TSPAN9: variants seen among roughly 807,000 people sequenced by gnomAD.
TSPAN9 encodes tetraspanin-9.
Under a neutral mutation model 31.0 loss-of-function variants are expected in TSPAN9, and 16 were observed. That is an observed-to-expected ratio of 0.52 (90% CI 0.35 to 0.78). TSPAN9 has a LOEUF of 0.78. Among genes scored for constraint, TSPAN9 ranks in the 30% least tolerant of loss-of-function variants. TSPAN9 has a pLI of 0.01. For missense variants in TSPAN9, 272 were observed against 312.5 expected (o/e 0.87, Z 0.98); for synonymous variants, 145 against 121.6 (o/e 1.19, Z -1.27).
chr12:3,184,389 C>T (rs2098359994), intron 2 of TSPAN9, among the ~76,000 whole-genome samples: 1 of 148,182 alleles, frequency 6.7e-6, no homozygotes, highest in South Asian at 2.1e-4. Flanking sequence ...CAGAGTGAGA[C>T]CCTATTAAAA....
chr12:3,271,381 T>G (rs905283719), intron 3 of TSPAN9, among the ~76,000 whole-genome samples: 6 of 152,176 alleles, frequency 3.9e-5, no homozygotes, highest in African/African-American at 1.2e-4. Flanking sequence ...GGGGAAGAGC[T>G]GGGTCCTACC....
intron 2 of TSPAN9, among the ~76,000 whole-genome samples, chr12:3,091,093 C>G (rs1008188194): frequency 6.6e-6 from 1 of 152,254 alleles, no homozygotes; most frequent in African/African-American, 2.4e-5. Flanking sequence ...TTGGTACTCC[C>G]TGCTGATTTT....
At chr12:3,270,314 C>T (rs1324813882) in intron 3 of TSPAN9, among the ~76,000 whole-genome samples, 1 of 152,156 alleles carries the variant, frequency 6.6e-6, no homozygotes, top group African/African-American at 2.4e-5. Flanking sequence ...GCCTTTCTCC[C>T]AGAAAGAGGC....
chr12:3,122,314 C>CT (rs1220579240), intron 2 of TSPAN9, among the ~76,000 whole-genome samples: 12 of 143,478 alleles, frequency 8.4e-5, no homozygotes, highest in Admixed American at 4.8e-4. Context: ...GAGTGAGACT[C>CT]TATCTCAAAA....
chr12:3,132,835 C>G (rs916706339), intron 2 of TSPAN9, among the ~76,000 whole-genome samples: 2 of 152,078 alleles, frequency 1.3e-5, no homozygotes, highest in Non-Finnish European at 2.9e-5. Flanking sequence ...TCAGCCTCAT[C>G]GTCCCCACCG....
intron 3 of TSPAN9, among the ~76,000 whole-genome samples, chr12:3,244,519 G>T (rs1011689150): frequency 6.6e-6 from 1 of 152,212 alleles, no homozygotes; most frequent in African/African-American, 2.4e-5. Flanking sequence ...AGCTGGTGAC[G>T]TGGGCTGGGG....
chr12:3,259,173 T>C (rs1156359726), intron 3 of TSPAN9, among the ~76,000 whole-genome samples: 14 of 152,246 alleles, frequency 9.2e-5, no homozygotes, highest in Admixed American at 9.2e-4. Flanking sequence ...TTCCTGAGTT[T>C]GCAGAGCCAG....
intron 3 of TSPAN9, among the ~76,000 whole-genome samples, chr12:3,233,119 A>G (rs2159422): frequency 0.96 from 145,565 of 152,254 alleles, 69,835 homozygotes; most frequent in South Asian, 0.99. Context: ...GCTAGGTCAA[A>G]CCGATTTTTT....
At chr12:3,085,033 G>T (rs1187841560) in intron 2 of TSPAN9, among the ~76,000 whole-genome samples, 1 of 152,206 alleles carries the variant, frequency 6.6e-6, no homozygotes, top group Non-Finnish European at 1.5e-5. Flanking sequence ...TCACTGGATG[G>T]TGCAGTGCCG....
chr12:3,219,310 G>A (rs2098383052), intron 3 of TSPAN9, among the ~76,000 whole-genome samples: 1 of 152,184 alleles, frequency 6.6e-6, no homozygotes, highest in African/African-American at 2.4e-5. Flanking sequence ...GGATGCACAG[G>A]GACTGTCCTA....
chr12:3,226,875 G>A lies in TSPAN9; in HGVS notation c.63+25619G>A, dbSNP rs2098388118. Among the ~76,000 whole-genome samples, 2 of 145,244 alleles carry A rather than the reference G, an allele frequency of 1.4e-5. 1 individual carries two copies. The highest frequency in any genetic ancestry group is 5.1e-5 in the African/African-American group (2 of 38,896). Reference sequence around the variant, plus strand: ...AGCCTGTCAAGCAGCTGGGACAACAGGCATACACCACTGTGCCTGGCTTCT... The same window carrying A: ...AGCCTGTCAAGCAGCTGGGACAACAAGCATACACCACTGTGCCTGGCTTCT... On this transcript the variant is annotated intron_variant, in intron 3 of 8. Coordinates refer to ENST00000011898, the MANE Select transcript of TSPAN9 (RefSeq NM_006675.5).
intron 2 of TSPAN9, among the ~76,000 whole-genome samples, chr12:3,155,831 G>A (rs1236547594): frequency 1.3e-5 from 2 of 152,178 alleles, no homozygotes; most frequent in African/African-American, 2.4e-5. Context: ...CACTGGAGGC[G>A]GAGTTGCCAG....
intron 2 of TSPAN9, among the ~76,000 whole-genome samples, chr12:3,199,647 C>A (rs1171007118): frequency 6.6e-6 from 1 of 152,216 alleles, no homozygotes; most frequent in African/African-American, 2.4e-5. Context: ...GGGTTCCAGC[C>A]GCCGCAGCGT....
chr12:3,145,079 T>C (rs1565591745), intron 2 of TSPAN9, among the ~76,000 whole-genome samples: 2 of 152,138 alleles, frequency 1.3e-5, no homozygotes, highest in Non-Finnish European at 1.5e-5. Flanking sequence ...ATCAAGGTCA[T>C]TCCTAGGGCT....
intron 2 of TSPAN9, among the ~76,000 whole-genome samples, chr12:3,155,789 C>CA (rs1218458230): frequency 1.3e-5 from 2 of 152,102 alleles, no homozygotes; most frequent in Non-Finnish European, 2.9e-5. Flanking sequence ...AATTGTCCCC[C>CA]TTGGGCAGTT....
chr12:3,118,255 C>CTTTTTTTTTTTTTT (rs2098323349), intron 2 of TSPAN9, among the ~76,000 whole-genome samples: 3 of 20,100 alleles, frequency 1.5e-4, no homozygotes, highest in Admixed American at 8.8e-4. Flanking sequence ...CTGCACCCGC[C>CTTTTTTTTTTTTTT]GTTTTTTTTT....
intron 3 of TSPAN9, among the ~76,000 whole-genome samples, chr12:3,249,175 C>T (rs751958302): frequency 3.7e-4 from 57 of 152,200 alleles, no homozygotes; most frequent in Non-Finnish European, 6.0e-4. Flanking sequence ...CCACAGAAGC[C>T]GGTAGAATTC....
At chr12:3,129,082 T>C (rs1165751912) in intron 2 of TSPAN9, among the ~76,000 whole-genome samples, 1 of 152,248 alleles carries the variant, frequency 6.6e-6, no homozygotes, top group Non-Finnish European at 1.5e-5. Context: ...ATCCATGCTG[T>C]AGCCTGTGTC....
chr12:3,249,568 G>A (rs1395192231), intron 3 of TSPAN9, among the ~76,000 whole-genome samples: 3 of 152,136 alleles, frequency 2.0e-5, no homozygotes, highest in African/African-American at 4.8e-5. Flanking sequence ...GCCCATGCCC[G>A]ACGTTCCTGA....
Sources: gnomAD v4.1 joint callset for allele counts (sites outside exome capture counted in the v4.1 genomes callset) on GRCh38, gnomAD v4.1.1 for gene constraint, MANE v1.5 for transcripts, NCBI Gene and HGNC (gene_info 2026-07-23, HGNC 2026-07-21) for gene names.